KLHL29: variants seen among roughly 807,000 people sequenced by gnomAD.
KLHL29 encodes kelch-like protein 29.
KLHL29 carries 21 observed loss-of-function variants against 80.4 expected under a neutral mutation model. That is an observed-to-expected ratio of 0.26 (90% CI 0.19 to 0.38). The LOEUF is 0.38. Ranked by LOEUF, KLHL29 falls within the 10% of genes least tolerant of loss-of-function variation. KLHL29 has a pLI of 1.00. For missense variants in KLHL29, 867 were observed against 1,223.9 expected, an observed-to-expected ratio of 0.71 and a Z score of 4.35; for synonymous variants, 511 against 526.8, an observed-to-expected ratio of 0.97 and a Z score of 0.41.
rs79860558 is a variant in KLHL29 at position 23,703,480 on chromosome 2, C to G, written c.2299+101C>G. ...CCAGAAGTCAGGCTAAGCCCAACAG[C>G]TCTGCAGACCCAGATCTAGAGGGTG... is the stretch of plus-strand genomic sequence containing the variant. On this transcript the variant is annotated intron_variant, in intron 12 of 13. Transcript: ENST00000486442. 0.06 allele frequency: 67,801 copies of G among 1,138,136 alleles called. 2,386 individuals carry two copies. The highest frequency in any genetic ancestry group is 0.067 in the Non-Finnish European group (55,949 of 829,174). 70.5% of individuals were successfully genotyped at this position (1,138,136 alleles called of 1,614,324 possible).
intron 2 of KLHL29, among the ~76,000 whole-genome samples, chr2:23,549,790 G>A (rs1332380090): frequency 1.3e-5 from 2 of 152,242 alleles, no homozygotes; most frequent in Non-Finnish European, 2.9e-5. Flanking sequence ...CCTCTGTCGG[G>A]GAGAGATGGG....
chr2:23,567,117 G>A (rs1028376040), intron 3 of KLHL29, among the ~76,000 whole-genome samples: 1 of 152,222 alleles, frequency 6.6e-6, no homozygotes, highest in Admixed American at 6.5e-5. Flanking sequence ...CCACTGCCAG[G>A]CCTGTTTGTG....
chr2:23,557,279 T>G (rs1342980741), intron 2 of KLHL29, among the ~76,000 whole-genome samples: 2 of 152,284 alleles, frequency 1.3e-5, no homozygotes, highest in East Asian at 3.9e-4. Context: ...AGAAAATATT[T>G]AAGTTGCCAC....
At chr2:23,536,571 C>G (rs1016522746) in intron 2 of KLHL29, among the ~76,000 whole-genome samples, 1 of 152,184 alleles carries the variant, frequency 6.6e-6, no homozygotes, top group Non-Finnish European at 1.5e-5. Flanking sequence ...ACAGGCAACC[C>G]TTCCCATGCT....
intron 2 of KLHL29, among the ~76,000 whole-genome samples, chr2:23,537,601 T>G (rs2103481921): frequency 6.6e-6 from 1 of 152,294 alleles, no homozygotes; most frequent in Non-Finnish European, 1.5e-5. Flanking sequence ...ATTCATCTGT[T>G]GGCAGAATTT....
rs575679028 is a variant in KLHL29 at position 23,427,369 on chromosome 2, AAGTCTCTCAC to A, written c.-154+41593_-154+41602del. 3.9e-5 allele frequency among the ~76,000 whole-genome samples: 6 copies of A among 152,362 alleles called. No homozygotes were observed. In the East Asian group the frequency reaches 1.2e-3, roughly 29 times the overall value. On this transcript the variant is annotated intron_variant, in intron 1 of 13. Coordinates refer to ENST00000486442, the MANE Select transcript of KLHL29 (RefSeq NM_052920.2). Reference sequence around the variant, plus strand: ...ACTTCTTTAACCTGAGCTGCCAGAAAAGTCTCTCACAGTGGGAAGTCATGCTTTAGATGGT... The same window carrying A: ...ACTTCTTTAACCTGAGCTGCCAGAAAAGTGGGAAGTCATGCTTTAGATGGT...
chr2:23,614,319 C>T (rs554081755), intron 3 of KLHL29, among the ~76,000 whole-genome samples: 5 of 152,302 alleles, frequency 3.3e-5, no homozygotes, highest in East Asian at 3.9e-4. Flanking sequence ...CACTGGCATG[C>T]GTCCTTAACT....
chr2:23,659,071 C>T (rs1174697621), intron 5 of KLHL29, among the ~76,000 whole-genome samples: 2 of 152,220 alleles, frequency 1.3e-5, no homozygotes, highest in East Asian at 1.9e-4. Flanking sequence ...TAGAACACCC[C>T]CGCTGCTGAC....
intron 5 of KLHL29, among the ~76,000 whole-genome samples, chr2:23,661,757 T>G (rs1035961967): frequency 6.6e-6 from 1 of 152,216 alleles, no homozygotes; most frequent in African/African-American, 2.4e-5. Flanking sequence ...CACTGAGGCT[T>G]GAGGCCCTGA....
Position 23,696,183 on chromosome 2 carries a change from G to C in KLHL29, c.1924+50G>C. 1 of 1,526,498 alleles carries C rather than the reference G, an allele frequency of 6.6e-7. No individual in the cohort carries two copies. Among genetic ancestry groups the C allele is most frequent in the South Asian group, 1.2e-5 (1 of 81,396 alleles). The allele number at this position is 1,526,498 out of a possible 1,614,324, so 94.6% of individuals were successfully genotyped here. A position where few individuals can be genotyped will look rare whatever the true frequency, so the allele number is the denominator to read the frequency against. On this transcript the variant is annotated intron_variant, in intron 10 of 13. Coordinates refer to ENST00000486442, the MANE Select transcript of KLHL29 (RefSeq NM_052920.2). The surrounding 1 kb of genome is among the most constrained non-coding windows in gnomAD (Gnocchi z 5.5). The stretch of plus-strand genomic sequence containing the variant: ...GGACCAGGCATGGGGGTCCCAAGGG[G>C]ACTGCTCCCCACGTCAGGGCTGAGG...
chr2:23,390,468 G>GT (rs541682259), intron 1 of KLHL29, among the ~76,000 whole-genome samples: 26 of 152,012 alleles, frequency 1.7e-4, no homozygotes, highest in Admixed American at 6.6e-4. Flanking sequence ...TGATTTGTAG[G>GT]TTTTTGACAT....
At chr2:23,392,641 A>G (rs1319885244) in intron 1 of KLHL29, among the ~76,000 whole-genome samples, 1 of 152,198 alleles carries the variant, frequency 6.6e-6, no homozygotes, top group Non-Finnish European at 1.5e-5. Flanking sequence ...CTCAGTGGTA[A>G]TCAACTGGCC....
intron 3 of KLHL29, among the ~76,000 whole-genome samples, chr2:23,638,143 T>TAATCCTCTC (rs1264368881): frequency 6.9e-6 from 1 of 145,920 alleles, no homozygotes; most frequent in African/African-American, 2.5e-5. Context: ...AAGTTACCCA[T>TAATCCTCTC]AATCCTCTCA....
chr2:23,621,237 G>A (rs935757737), intron 3 of KLHL29, among the ~76,000 whole-genome samples: 1 of 152,216 alleles, frequency 6.6e-6, no homozygotes, highest in Non-Finnish European at 1.5e-5. Flanking sequence ...CCCACCCACA[G>A]CCTTCCAGAG....
At chr2:23,513,585 TACTA>T (rs1665838818) in intron 2 of KLHL29, among the ~76,000 whole-genome samples, 3 of 152,166 alleles carry the variant, frequency 2.0e-5, no homozygotes, top group Non-Finnish European at 4.4e-5. Flanking sequence ...AGGACCTGAG[TACTA>T]ACTAAGGCCT....
chr2:23,594,251 G>A (rs1341368730), intron 3 of KLHL29, among the ~76,000 whole-genome samples: 1 of 152,148 alleles, frequency 6.6e-6, no homozygotes, highest in Non-Finnish European at 1.5e-5. Context: ...AACATGCAGC[G>A]ATTTCATGGT....
intron 1 of KLHL29, among the ~76,000 whole-genome samples, chr2:23,413,215 A>G (rs770627621): frequency 6.6e-6 from 1 of 152,196 alleles, no homozygotes; most frequent in Non-Finnish European, 1.5e-5. Context: ...TCGACCTCAC[A>G]TTGGGGATCA....
chr2:23,440,484 TA>T, intron 1 of KLHL29, among the ~76,000 whole-genome samples: 1 of 152,126 alleles, frequency 6.6e-6, no homozygotes, highest in Non-Finnish European at 1.5e-5. Flanking sequence ...AAATGGGATC[TA>T]ATTAAACTAA....
At chr2:23,536,268 G>A (rs376403116) in intron 2 of KLHL29, among the ~76,000 whole-genome samples, 1 of 152,124 alleles carries the variant, frequency 6.6e-6, no homozygotes, top group Non-Finnish European at 1.5e-5. Flanking sequence ...TTACTTTATC[G>A]CCCCAGCAAC....
Sources: gnomAD v4.1 joint callset for allele counts (sites outside exome capture counted in the v4.1 genomes callset) on GRCh38, gnomAD v4.1.1 for gene constraint, Gnocchi (gnomAD v3.1) non-coding constraint, MANE v1.5 for transcripts, NCBI Gene and HGNC (gene_info 2026-07-23, HGNC 2026-07-21) for gene names.